Variants in CREBRF observed in about 807,000 individuals in gnomAD.
The protein encoded by CREBRF is CREB3 regulatory factor.
In CREBRF, 5 loss-of-function variants were observed where a neutral mutation model predicts 66.1. The ratio of observed to expected loss-of-function variants is 0.08; its 90% CI spans 0.04 to 0.16. CREBRF has a LOEUF of 0.16. CREBRF is among the 10% of genes least tolerant of loss of function. The pLI, the probability that CREBRF is intolerant of heterozygous loss-of-function variation, is 1.00. For missense variants in CREBRF, 531 were observed against 744.9 expected (o/e 0.71, Z 3.34); for synonymous variants, 229 against 264.4 (o/e 0.87, Z 1.30).
At position 173,058,548 on chromosome 5, in the gene CREBRF, ATCTCGAC is replaced by A. The variant is rs1375447624; in HGVS notation, c.-192+2072_-192+2078del. 4.0e-5 allele frequency among the ~76,000 whole-genome samples: 6 copies of A among 151,710 alleles called. No individual in the cohort carries two copies. The South Asian group carries it at 6.2e-4, about 16-fold the overall frequency. Reference sequence around the variant, plus strand: ...GCCCAGGCTGGAGAGCAGTGGCCAGATCTCGACTCACTGCAAGCTCCGCCTCCCGGGT... The same window carrying A: ...GCCCAGGCTGGAGAGCAGTGGCCAGATCACTGCAAGCTCCGCCTCCCGGGT... On this transcript the variant is annotated intron_variant, in intron 1 of 8. Transcript: ENST00000296953.
At chr5:173,100,118 G>GTGTGTGTGTGTGTATA (rs70984939) in intron 4 of CREBRF, among the ~76,000 whole-genome samples, 8 of 88,380 alleles carry the variant, frequency 9.1e-5, no homozygotes, top group South Asian at 3.9e-4. Flanking sequence ...GTGTGTGTGT[G>GTGTGTGTGTGTGTATA]TATATATATA....
intron 2 of CREBRF, chr5:173,085,701 G>A: frequency 2.7e-6 from 2 of 733,276 alleles, no homozygotes; most frequent in South Asian, 1.4e-5. Flanking sequence ...ACAGGCGTGA[G>A]CCACCGCACC....
chr5:173,113,115 C>T (rs1019052867), intron 7 of CREBRF, among the ~76,000 whole-genome samples: 8 of 152,150 alleles, frequency 5.3e-5, no homozygotes, highest in African/African-American at 1.7e-4. Context: ...ACTGCAGCCT[C>T]CTGGGTATCT....
At chr5:173,091,467 T>G (rs1421179121) in intron 4 of CREBRF, 66 bp downstream of exon 4, 3 of 1,544,004 alleles carry the variant, frequency 1.9e-6, no homozygotes, top group Non-Finnish European at 1.7e-6. Context: ...AGAAAGGTTT[T>G]TGTTTCTGTT....
chr5:173,080,992 A>G (rs1333577289), intron 2 of CREBRF, among the ~76,000 whole-genome samples: 1 of 152,148 alleles, frequency 6.6e-6, no homozygotes, highest in East Asian at 1.9e-4. Context: ...AATGAGTTCT[A>G]CATAGGTAGT....
chr5:173,112,877 G>C (rs1758901808), intron 7 of CREBRF, among the ~76,000 whole-genome samples: 1 of 152,126 alleles, frequency 6.6e-6, no homozygotes, highest in Non-Finnish European at 1.5e-5. Flanking sequence ...TTGCTCATTG[G>C]AATTGTCTGT....
At chr5:173,083,225 T>C (rs1482355339) in intron 2 of CREBRF, among the ~76,000 whole-genome samples, 1 of 152,044 alleles carries the variant, frequency 6.6e-6, no homozygotes, top group African/African-American at 2.4e-5. Context: ...AAAAAATAAA[T>C]AAATAAAAGA....
chr5:173,081,202 C>A (rs1757929890), intron 2 of CREBRF, among the ~76,000 whole-genome samples: 1 of 152,170 alleles, frequency 6.6e-6, no homozygotes, highest in Admixed American at 6.5e-5. Flanking sequence ...CCTCCCCCAA[C>A]CCCTCTCATC....
At chr5:173,122,323 A>T (rs1759154835) in intron 7 of CREBRF, among the ~76,000 whole-genome samples, 1 of 151,828 alleles carries the variant, frequency 6.6e-6, no homozygotes, top group South Asian at 2.1e-4. Context: ...CTGGTCTCGA[A>T]CTCCTGACCT....
At position 173,090,957 on chromosome 5, in the gene CREBRF, G is replaced by A; in HGVS notation, c.778G>A (p.Ala260Thr). 6.2e-7 allele frequency: 1 copy of A among 1,614,188 alleles called. No homozygotes were observed. The highest frequency in any genetic ancestry group is 8.5e-7 in the Non-Finnish European group (1 of 1,180,030). The change falls in exon 4 of 9, where the codon GCA (alanine) becomes ACA (threonine). Residue 260 changes from alanine to threonine, a missense_variant. Physicochemically the swap from Ala to Thr is moderately conservative, Grantham distance 58 (BLOSUM62 0). Transcript: ENST00000296953. The surrounding 1 kb of genome is among the most constrained non-coding windows in gnomAD (Gnocchi z 4.5). ...PLLSQIHTDA[A>T]KENTCYCGAV... The stretch of plus-strand genomic sequence containing the variant: ...GTTGAGCCAGATTCACACAGATGCA[G>A]CAAAGGAGAACACCTGCTACTGTGG...
chr5:173,108,610 G>T lies in CREBRF; in HGVS notation c.1223-14G>T. 6.3e-7 allele frequency: 1 copy of T among 1,595,250 alleles called. No individual in the cohort carries two copies. The highest frequency in any genetic ancestry group is 1.2e-5 in the South Asian group (1 of 86,274). On this transcript the variant is annotated splice_polypyrimidine_tract_variant and intron_variant, in intron 4 of 8. Transcript: ENST00000296953. ...AATTTATGGAGCTTAAAAATTGCGG[G>T]ACCTTTTTTTAAGGCTATGAAAATG...
chr5:173,122,055 C>T (rs763339578), intron 7 of CREBRF, among the ~76,000 whole-genome samples: 1 of 151,888 alleles, frequency 6.6e-6, no homozygotes, highest in Non-Finnish European at 1.5e-5. Flanking sequence ...AAGTGCATAC[C>T]CAGTAATCTT....
chr5:173,127,358 C>T (rs1759301558), intron 8 of CREBRF, among the ~76,000 whole-genome samples: 1 of 151,656 alleles, frequency 6.6e-6, no homozygotes, highest in Non-Finnish European at 1.5e-5. Context: ...CCACCTTGGC[C>T]AGGATGGTCT....
chr5:173,136,970 A>C lies in CREBRF; in HGVS notation c.*3225A>C, dbSNP rs1037766297. 4.6e-5 allele frequency: 7 copies of C among 152,150 alleles called. No individual in the cohort carries two copies. The highest frequency in any genetic ancestry group is 1.0e-4 in the Non-Finnish European group (7 of 67,842). The allele number at this position is 152,150 out of a possible 1,614,324, so 9.4% of individuals were successfully genotyped here. On this transcript the variant is annotated 3_prime_UTR_variant, in exon 9 of 9. Transcript: ENST00000296953. The stretch of plus-strand genomic sequence containing the variant: ...TACTACTATGATTTAAAAAAAAAAA[A>C]AACCAACAAAAACCTTTTTTCCTAG...
chr5:173,129,650 A>C (rs1163014272), intron 8 of CREBRF, among the ~76,000 whole-genome samples: 1 of 149,356 alleles, frequency 6.7e-6, no homozygotes, highest in Admixed American at 6.7e-5. Context: ...GCTTTTGCCC[A>C]GGAGATGGAG....
At chr5:173,117,045 AT>A (rs1759006645) in intron 7 of CREBRF, among the ~76,000 whole-genome samples, 1 of 152,074 alleles carries the variant, frequency 6.6e-6, no homozygotes, top group Non-Finnish European at 1.5e-5. Flanking sequence ...GTCTGTTCAA[AT>A]ATTTTGCCAT....
intron 7 of CREBRF, 108 bp downstream of exon 7, chr5:173,112,487 G>A: frequency 4.3e-6 from 3 of 700,098 alleles, no homozygotes; most frequent in Non-Finnish European, 4.8e-6. Context: ...CTAGTTTTTG[G>A]CTAGCCTCCT....
intron 8 of CREBRF, among the ~76,000 whole-genome samples, chr5:173,125,362 A>G (rs965473252): frequency 1.3e-5 from 2 of 151,890 alleles, no homozygotes; most frequent in South Asian, 2.1e-4. Flanking sequence ...TAGTTATTCT[A>G]TTTCTGATTT....
chr5:173,121,100 T>C (rs951774874), intron 7 of CREBRF, among the ~76,000 whole-genome samples: 1 of 152,212 alleles, frequency 6.6e-6, no homozygotes, highest in Non-Finnish European at 1.5e-5. Context: ...CCTTTTAATA[T>C]CTGTAGATTC....
Sources: allele counts gnomAD v4.1 joint callset (sites outside exome capture counted in the v4.1 genomes callset), GRCh38; gene constraint gnomAD v4.1.1; non-coding constraint Gnocchi (gnomAD v3.1); transcripts MANE v1.5; gene names NCBI Gene and HGNC (gene_info 2026-07-23, HGNC 2026-07-21).